The following NRG3 variants were observed in gnomAD, a reference collection of about 807,000 sequenced individuals.
NRG3 encodes the protein pro-neuregulin-3, membrane-bound isoform.
Under a neutral mutation model 66.9 loss-of-function variants are expected in NRG3, and 31 were observed. The ratio of observed to expected loss-of-function variants is 0.46; its 90% CI spans 0.35 to 0.63. NRG3 has a LOEUF of 0.63. Ranked by LOEUF, NRG3 falls within the 20% of genes least tolerant of loss-of-function variation. The pLI, the probability that NRG3 is intolerant of heterozygous loss-of-function variation, is 0.00. For synonymous variants in NRG3, 393 were observed against 359.4 expected, an observed-to-expected ratio of 1.09 and a Z score of -1.06; for missense variants, 910 against 878.9, an observed-to-expected ratio of 1.04 and a Z score of -0.45.
chr10:82,275,206 A>G (rs1485876600), intron 1 of NRG3, among the ~76,000 whole-genome samples: 1 of 152,014 alleles, frequency 6.6e-6, no homozygotes, highest in Non-Finnish European at 1.5e-5. Flanking sequence ...AATGTTGTTT[A>G]GTGTAGGTAA....
In NRG3 at chr10:82,986,270, AT is replaced by A. The variant is rs890110559; in HGVS notation, c.*666del. 2.6e-5 allele frequency: 4 copies of A among 152,214 alleles called. No homozygotes were observed. The highest frequency in any genetic ancestry group is 6.5e-5 in the Admixed American group (1 of 15,276). 9.4% of individuals were successfully genotyped at this position (152,214 alleles called of 1,614,324 possible). A position where few individuals can be genotyped will look rare whatever the true frequency, so the allele number is the denominator to read the frequency against. On this transcript the variant is annotated 3_prime_UTR_variant, in exon 9 of 9. Coordinates refer to ENST00000372141, the MANE Select transcript of NRG3 (RefSeq NM_001010848.4). ...TTATTACAGAAAAAGAGACAAAAAA[AT>A]CCTTATATCGTGTCACTAAAATCAT...
At chr10:82,380,511 C>T (rs973880513) in intron 2 of NRG3, among the ~76,000 whole-genome samples, 2 of 151,944 alleles carry the variant, frequency 1.3e-5, no homozygotes, top group African/African-American at 4.8e-5. Context: ...TAGAAATACC[C>T]ATGGATTTAG....
chr10:82,235,192 C>T (rs1271417143), intron 1 of NRG3, among the ~76,000 whole-genome samples: 1 of 152,206 alleles, frequency 6.6e-6, no homozygotes, highest in Non-Finnish European at 1.5e-5. Flanking sequence ...TTTTTTGGAA[C>T]ACAGCTGCAC....
At chr10:82,455,700 C>T (rs970509096) in intron 2 of NRG3, among the ~76,000 whole-genome samples, 12 of 151,428 alleles carry the variant, frequency 7.9e-5, no homozygotes, top group African/African-American at 1.2e-4. Flanking sequence ...CTGCAAGCTC[C>T]GCCTCCCGGG....
At position 82,360,920 on chromosome 10, in the gene NRG3, G is replaced by C. The variant is rs536707686; in HGVS notation, c.953+2052G>C. Among the ~76,000 whole-genome samples the C allele has an allele frequency of 3.9e-5, 6 of 152,268 alleles. No homozygotes were observed. The East Asian group carries it at 1.2e-3, about 29-fold the overall frequency. On this transcript the variant is annotated intron_variant, in intron 2 of 8. Transcript: ENST00000372141. ...TTCTCATCATGTTTCCTCTGTAGGT[G>C]TGTGTGTTCCAAATTTCCTCTAAGG...
intron 4 of NRG3, among the ~76,000 whole-genome samples, chr10:82,873,613 G>A (rs1841539202): frequency 1.3e-5 from 2 of 152,110 alleles, no homozygotes; most frequent in Admixed American, 6.6e-5. Flanking sequence ...ATCTCATTAG[G>A]TCCTTTTGAG....
At chr10:82,664,664 C>G (rs969255014) in intron 2 of NRG3, among the ~76,000 whole-genome samples, 2 of 151,814 alleles carry the variant, frequency 1.3e-5, no homozygotes, top group Non-Finnish European at 2.9e-5. Context: ...TCCATGAACT[C>G]ATAAAATTTG....
intron 3 of NRG3, among the ~76,000 whole-genome samples, chr10:82,763,666 CA>C (rs11408907): frequency 1.4e-4 from 21 of 146,660 alleles, no homozygotes; most frequent in Middle Eastern, 3.5e-3. Flanking sequence ...TTCCCATGTT[CA>C]AAAAAAAAAG....
At chr10:81,878,624 A>G (rs1841900685) in intron 1 of NRG3, among the ~76,000 whole-genome samples, 1 of 152,204 alleles carries the variant, frequency 6.6e-6, no homozygotes, top group Non-Finnish European at 1.5e-5. Flanking sequence ...TTATGCCCGT[A>G]AAGTTCCCAG....
chr10:82,818,672 A>G (rs540650218), intron 3 of NRG3, among the ~76,000 whole-genome samples: 1 of 152,152 alleles, frequency 6.6e-6, no homozygotes, highest in South Asian at 2.1e-4. Context: ...TTCTCCAGCT[A>G]TTGTTACACA....
chr10:82,632,664 A>G (rs1406881043), intron 2 of NRG3, among the ~76,000 whole-genome samples: 1 of 152,198 alleles, frequency 6.6e-6, no homozygotes, highest in Non-Finnish European at 1.5e-5. Context: ...CTTGGTATCT[A>G]GCAATTAGTT....
chr10:82,122,965 A>T (rs2068191291), intron 1 of NRG3, among the ~76,000 whole-genome samples: 1 of 151,628 alleles, frequency 6.6e-6, no homozygotes, highest in Admixed American at 6.6e-5. Context: ...AGATTTCTCT[A>T]TAAGAGAATA....
At position 82,187,733 on chromosome 10, in the gene NRG3, C is replaced by T. The variant is rs545413915; in HGVS notation, c.824-171006C>T. ...AGCCCATTGTGAAGAGTGGCTGGGC[C>T]AGTGTTTTAATTTTGGTATATATTG... On this transcript the variant is annotated intron_variant, in intron 1 of 8. Transcript: ENST00000372141. Among the ~76,000 whole-genome samples the T allele has an allele frequency of 9.2e-5, 14 of 152,120 alleles. No homozygotes were observed. The East Asian group carries it at 1.4e-3, about 15-fold the overall frequency.
At chr10:82,892,570 G>T (rs1843254504) in intron 4 of NRG3, among the ~76,000 whole-genome samples, 1 of 152,030 alleles carries the variant, frequency 6.6e-6, no homozygotes, top group Non-Finnish European at 1.5e-5. Flanking sequence ...GGAGGCTGAG[G>T]TGGAAAGATT....
At chr10:82,854,550 AT>A (rs1210787794) in intron 3 of NRG3, among the ~76,000 whole-genome samples, 1 of 152,212 alleles carries the variant, frequency 6.6e-6, no homozygotes, top group Non-Finnish European at 1.5e-5. Context: ...TTTTTTTCAC[AT>A]AAGCAGACAC....
chr10:82,932,328 A>T (rs1445052671), intron 4 of NRG3, among the ~76,000 whole-genome samples: 1 of 152,202 alleles, frequency 6.6e-6, no homozygotes, highest in Non-Finnish European at 1.5e-5. Flanking sequence ...AGTAAATTCA[A>T]TTTAGGGTGA....
intron 1 of NRG3, among the ~76,000 whole-genome samples, chr10:81,954,896 A>AT (rs2133222537): frequency 6.6e-6 from 1 of 152,034 alleles, no homozygotes; most frequent in Non-Finnish European, 1.5e-5. Context: ...TTCACCTAGG[A>AT]TTTTGCATAG....
intron 2 of NRG3, among the ~76,000 whole-genome samples, chr10:82,475,297 A>G (rs1031697705): frequency 3.9e-5 from 6 of 152,136 alleles, no homozygotes; most frequent in Admixed American, 3.3e-4. Flanking sequence ...TTATTGAAAT[A>G]CAAATAATTA....
At chr10:82,189,705 G>A (rs1052903689) in intron 1 of NRG3, among the ~76,000 whole-genome samples, 9 of 151,920 alleles carry the variant, frequency 5.9e-5, no homozygotes, top group Non-Finnish European at 1.0e-4. Flanking sequence ...TAGGAGAATC[G>A]CTTGAACCTG....
Sources: allele counts gnomAD v4.1 joint callset (sites outside exome capture counted in the v4.1 genomes callset), GRCh38; gene constraint gnomAD v4.1.1; transcripts MANE v1.5; gene names NCBI Gene and HGNC (gene_info 2026-07-23, HGNC 2026-07-21).